SIPA1L3: variants seen among roughly 807,000 people sequenced by gnomAD.
SIPA1L3 encodes the protein signal-induced proliferation-associated 1-like protein 3.
A neutral mutation model predicts 150.1 loss-of-function variants in SIPA1L3; 59 were observed. The observed-to-expected ratio is 0.39, with a 90% CI of 0.32 to 0.49. The LOEUF is 0.49. Ranked by LOEUF, SIPA1L3 falls within the 20% of genes least tolerant of loss-of-function variation. The pLI, the probability that SIPA1L3 is intolerant of heterozygous loss-of-function variation, is 0.86. For synonymous variants in SIPA1L3, 1,070 were observed against 1,077.6 expected, an observed-to-expected ratio of 0.99 and a Z score of 0.14; for missense variants, 2,211 against 2,489.5, an observed-to-expected ratio of 0.89 and a Z score of 2.38.
At chr19:37,971,931 T>C (rs1186801698) in intron 1 of SIPA1L3, among the ~76,000 whole-genome samples, 2 of 152,142 alleles carry the variant, frequency 1.3e-5, no homozygotes, top group South Asian at 2.1e-4. Context: ...CCTTTTTGGG[T>C]TGGATAATAT....
At chr19:38,178,117 GTGTGTGTGTGTGTGTGTGTGTT>G (rs1304688024) in intron 15 of SIPA1L3, among the ~76,000 whole-genome samples, 1 of 142,124 alleles carries the variant, frequency 7.0e-6, no homozygotes, top group African/African-American at 3.0e-5. Flanking sequence ...GTGTGTGTGT[GTGTGTGTGTGTGTGTGTGTGTT>G]TTGTAGCTAA....
chr19:38,142,767 T>TC (rs1971621997), intron 12 of SIPA1L3, 57 bp downstream of exon 12: 2 of 1,556,828 alleles, frequency 1.3e-6, no homozygotes, highest in Non-Finnish European at 1.7e-6. Flanking sequence ...TGTGCCTCCT[T>TC]CTTCCCCAGC....
At chr19:37,969,281 G>C (rs1448572318) in intron 1 of SIPA1L3, among the ~76,000 whole-genome samples, 1 of 151,940 alleles carries the variant, frequency 6.6e-6, no homozygotes, top group South Asian at 2.1e-4. Context: ...GCCAGGTGTG[G>C]TGGCTCACGT....
chr19:38,199,012 G>A (rs958318048), intron 19 of SIPA1L3, among the ~76,000 whole-genome samples: 1 of 152,202 alleles, frequency 6.6e-6, no homozygotes, highest in Non-Finnish European at 1.5e-5. Context: ...GGTTTTCAGC[G>A]CCAGATCTGG....
chr19:38,142,136 A>G (rs1383692096), intron 11 of SIPA1L3, among the ~76,000 whole-genome samples: 1 of 152,188 alleles, frequency 6.6e-6, no homozygotes, highest in African/African-American at 2.4e-5. Context: ...GTTGGCTGGT[A>G]GCTTCAGGGA....
intron 3 of SIPA1L3, among the ~76,000 whole-genome samples, chr19:38,086,023 C>T (rs1048933791): frequency 3.3e-5 from 5 of 151,376 alleles, no homozygotes; most frequent in Non-Finnish European, 5.9e-5. Context: ...AAAAAAAAAA[C>T]GCTACGGGGA....
rs186257165 is a variant in SIPA1L3 at position 38,100,235 on chromosome 19, T to A, written c.1854+85T>A. On this transcript the variant is annotated intron_variant, in intron 5 of 21. Coordinates refer to ENST00000222345, the MANE Select transcript of SIPA1L3 (RefSeq NM_015073.3). ...GGTAGCTTTTTCTATCTTGGTCACT[T>A]TCTTTTTTCTTTGCAAGTAACAGAA... The A allele has an allele frequency of 2.9e-5, 32 of 1,084,936 alleles. No individual in the cohort carries two copies. The East Asian group carries it at 6.3e-4, about 21-fold the overall frequency. 67.2% of individuals were successfully genotyped at this position (1,084,936 alleles called of 1,614,324 possible).
intron 8 of SIPA1L3, among the ~76,000 whole-genome samples, chr19:38,112,150 C>T (rs570310424): frequency 6.6e-6 from 1 of 151,154 alleles, no homozygotes; most frequent in Admixed American, 6.6e-5. Flanking sequence ...TGCACACAGG[C>T]ACATGCATCC....
At chr19:37,908,831 A>G (rs1414403685) in intron 1 of SIPA1L3, among the ~76,000 whole-genome samples, 5 of 152,108 alleles carry the variant, frequency 3.3e-5, no homozygotes, top group Non-Finnish European at 4.4e-5. Context: ...CAGAGCCAGT[A>G]TGTTCACTCC....
At chr19:38,203,503 T>C (rs1453102710) in intron 20 of SIPA1L3, among the ~76,000 whole-genome samples, 3 of 152,224 alleles carry the variant, frequency 2.0e-5, no homozygotes, top group African/African-American at 7.2e-5. Context: ...GCTGGGAGGA[T>C]CTGCAGAGGG....
At chr19:37,994,168 C>A (rs1038952649) in intron 1 of SIPA1L3, among the ~76,000 whole-genome samples, 1 of 152,134 alleles carries the variant, frequency 6.6e-6, no homozygotes, top group Non-Finnish European at 1.5e-5. Flanking sequence ...TCCCAAAGTG[C>A]TGGGATTACA....
intron 14 of SIPA1L3, among the ~76,000 whole-genome samples, chr19:38,162,900 C>G (rs144469378): frequency 1.3e-5 from 2 of 152,168 alleles, no homozygotes; most frequent in African/African-American, 4.8e-5. Flanking sequence ...TGGCATGAAT[C>G]GCTTCCATTC....
intron 2 of SIPA1L3, among the ~76,000 whole-genome samples, chr19:38,067,688 G>C (rs1428247192): frequency 6.6e-6 from 1 of 151,884 alleles, no homozygotes; most frequent in Non-Finnish European, 1.5e-5. Context: ...CTTGAACCCC[G>C]GAGGTGGAGG....
At chr19:38,203,160 C>T (rs949473920) in intron 20 of SIPA1L3, among the ~76,000 whole-genome samples, 79 of 152,308 alleles carry the variant, frequency 5.2e-4, no homozygotes, top group African/African-American at 1.6e-3. Context: ...CCACCACGAA[C>T]GTAGGCCCCA....
At chr19:38,148,015 C>A (rs944555655) in intron 12 of SIPA1L3, among the ~76,000 whole-genome samples, 89 of 151,464 alleles carry the variant, frequency 5.9e-4, no homozygotes, top group African/African-American at 7.3e-5. Context: ...TGCACTCCAG[C>A]CTGGGTGACA....
intron 1 of SIPA1L3, among the ~76,000 whole-genome samples, chr19:37,991,409 G>C (rs907416936): frequency 6.6e-6 from 1 of 152,250 alleles, no homozygotes; most frequent in Admixed American, 6.5e-5. Flanking sequence ...TGGGAGGAAG[G>C]CCCTGCCAGC....
intron 1 of SIPA1L3, among the ~76,000 whole-genome samples, chr19:37,908,160 A>G (rs560888783): frequency 1.3e-5 from 2 of 152,296 alleles, no homozygotes; most frequent in East Asian, 3.9e-4. Context: ...AGTGGCCCAG[A>G]GACCCTCTGA....
chr19:38,158,584 C>G (rs1350354002), intron 13 of SIPA1L3, among the ~76,000 whole-genome samples: 1 of 152,176 alleles, frequency 6.6e-6, no homozygotes, highest in Non-Finnish European at 1.5e-5. Context: ...GAGCCCCTGG[C>G]TACAGATTAC....
intron 1 of SIPA1L3, among the ~76,000 whole-genome samples, chr19:38,002,604 G>A (rs1173411215): frequency 6.6e-6 from 1 of 150,770 alleles, no homozygotes; most frequent in Non-Finnish European, 1.5e-5. Context: ...GTGGTGGCGT[G>A]CGCCTGTAAT....
Sources: allele counts gnomAD v4.1 joint callset (sites outside exome capture counted in the v4.1 genomes callset), GRCh38; gene constraint gnomAD v4.1.1; transcripts MANE v1.5; gene names NCBI Gene and HGNC (gene_info 2026-07-23, HGNC 2026-07-21).